Variants in ST8SIA5 observed in about 807,000 individuals in gnomAD.
ST8SIA5 encodes ST8 alpha-N-acetyl-neuraminide alpha-2,8-sialyltransferase 5, also known as alpha-2,8-sialyltransferase 8E.
In ST8SIA5, 24 loss-of-function variants were observed where a neutral mutation model predicts 40.2. The observed-to-expected ratio is 0.60, with a 90% CI of 0.43 to 0.84. The LOEUF (loss-of-function observed/expected upper bound fraction) is 0.84, where lower values mean the gene tolerates loss of function less well. Ranked by LOEUF, ST8SIA5 falls within the 40% of genes least tolerant of loss-of-function variation. ST8SIA5 has a pLI of 0.00. For missense variants in ST8SIA5, 465 were observed against 498.5 expected (o/e 0.93, Z 0.64); for synonymous variants, 198 against 201.8 (o/e 0.98, Z 0.16).
intron 1 of ST8SIA5, among the ~76,000 whole-genome samples, chr18:46,711,574 A>G (rs1397911089): frequency 6.6e-6 from 1 of 152,176 alleles, no homozygotes; most frequent in Non-Finnish European, 1.5e-5. Context: ...ACAGCCCTTC[A>G]GTGAGCTCAG....
intron 1 of ST8SIA5, among the ~76,000 whole-genome samples, chr18:46,733,325 A>T (rs1053652513): frequency 6.6e-6 from 1 of 152,234 alleles, no homozygotes; most frequent in Non-Finnish European, 1.5e-5. Context: ...AATCACTTGC[A>T]TTGGACCTCA....
In ST8SIA5 at chr18:46,675,975, T is replaced by A. The variant is rs2039336850; in HGVS notation, c.*4067A>T. On this transcript the variant is annotated 3_prime_UTR_variant, in exon 7 of 7. Coordinates refer to ENST00000315087, the MANE Select transcript of ST8SIA5 (RefSeq NM_013305.6). ...GGGAAGCTGAGGTGGGAGGATCACT[T>A]GAACCCAGGTGTCGAGGCTGCAGTG... is the stretch of plus-strand genomic sequence containing the variant. The A allele has an allele frequency of 1.3e-5, 2 of 152,160 alleles. No homozygotes were observed. The highest frequency in any genetic ancestry group is 4.1e-4 in the South Asian group (2 of 4,830). The allele number at this position is 152,160 out of a possible 1,614,324, so 9.4% of individuals were successfully genotyped here. A position where few individuals can be genotyped will look rare whatever the true frequency, so the allele number is the denominator to read the frequency against.
At chr18:46,752,318 C>G (rs1423765784) in intron 1 of ST8SIA5, among the ~76,000 whole-genome samples, 1 of 152,090 alleles carries the variant, frequency 6.6e-6, no homozygotes. Context: ...CAATAGCCAC[C>G]GGCTCCCTGG....
At chr18:46,686,411 T>G in intron 4 of ST8SIA5, 125 bp from the exon 5 acceptor site, 1 of 746,580 alleles carries the variant, frequency 1.3e-6, no homozygotes, top group South Asian at 1.6e-5. Context: ...TTGTGGGGAA[T>G]GTGGGAGGAA....
intron 5 of ST8SIA5, chr18:46,685,753 G>A (rs1017966320): frequency 5.5e-6 from 1 of 182,654 alleles, no homozygotes; most frequent in African/African-American, 2.3e-5. Flanking sequence ...AGGAAGAAGT[G>A]CAAGGACCAG....
rs1336502296 is a variant in ST8SIA5, at chr18:46,678,110, T to C, written c.*1932A>G. On this transcript the variant is annotated 3_prime_UTR_variant, in exon 7 of 7. Transcript: ENST00000315087. The stretch of plus-strand genomic sequence containing the variant: ...GCTCAAGCAAGTAATAACCATCCAC[T>C]GTCCTTTGCAGTTCTTCCTGGTTTA... The C allele has an allele frequency of 6.6e-6, 1 of 152,268 alleles. No homozygotes were observed. Among genetic ancestry groups the C allele is most frequent in the Non-Finnish European group, 1.5e-5 (1 of 68,060 alleles). 9.4% of individuals were successfully genotyped at this position (152,268 alleles called of 1,614,324 possible).
At chr18:46,727,223 A>C (rs1389671631) in intron 1 of ST8SIA5, among the ~76,000 whole-genome samples, 2 of 152,242 alleles carry the variant, frequency 1.3e-5, no homozygotes, top group African/African-American at 4.8e-5. Context: ...TGTTAAAATA[A>C]AAATAGCTCT....
At chr18:46,736,965 G>T (rs1219302291) in intron 1 of ST8SIA5, among the ~76,000 whole-genome samples, 4 of 152,120 alleles carry the variant, frequency 2.6e-5, no homozygotes, top group Non-Finnish European at 5.9e-5. Flanking sequence ...GCAAAGCCCA[G>T]CCTGAGCTGT....
chr18:46,703,291 G>A (rs1294302864), intron 2 of ST8SIA5, among the ~76,000 whole-genome samples: 7 of 152,158 alleles, frequency 4.6e-5, no homozygotes, highest in African/African-American at 9.6e-5. Flanking sequence ...GACTACAGGC[G>A]CCTGCCACCA....
chr18:46,688,725 C>T (rs377326257), intron 4 of ST8SIA5, 50 bp downstream of exon 4: 100 of 1,573,416 alleles, frequency 6.4e-5, no homozygotes, highest in Non-Finnish European at 8.5e-5. Flanking sequence ...AGGGCTACTG[C>T]TGGATTGGCT....
intron 1 of ST8SIA5, among the ~76,000 whole-genome samples, chr18:46,712,591 C>T (rs1382982344): frequency 1.3e-5 from 2 of 152,310 alleles, no homozygotes; most frequent in East Asian, 3.9e-4. Context: ...CAGACCAGCT[C>T]TTATTATGTG....
chr18:46,688,955 G>T, intron 3 of ST8SIA5, 36 bp from the exon 4 acceptor site: 1 of 1,593,132 alleles, frequency 6.3e-7, no homozygotes, highest in South Asian at 1.1e-5. Context: ...AAGACGTGAT[G>T]CAGGAAAGAT....
At position 46,682,781 on chromosome 18, in the gene ST8SIA5, A is replaced by G. The variant is rs139090522; in HGVS notation, c.570-717T>C. Among the ~76,000 whole-genome samples, 742 of 152,314 alleles carry G rather than the reference A, an allele frequency of 4.9e-3. 9 individuals are homozygous for G. The highest frequency in any genetic ancestry group is 0.016 in the African/African-American group (678 of 41,568). On this transcript the variant is annotated intron_variant, in intron 5 of 6. Transcript: ENST00000315087. ...AAGAGACGATGTGACAACCAGGGAG[A>G]GAGAAGAAAGTATGTGGCAACAGAA...
In ST8SIA5 at chr18:46,679,464, G is replaced by A. The variant is rs2039364434; in HGVS notation, c.*578C>T. Reference sequence around the variant, plus strand: ...GGTGTGGCTTGGCTGTTAAGTCCCTGGACCTCTTGAGATCACTTTCTTCAC... The same window carrying A: ...GGTGTGGCTTGGCTGTTAAGTCCCTAGACCTCTTGAGATCACTTTCTTCAC... On this transcript the variant is annotated 3_prime_UTR_variant, in exon 7 of 7. Transcript: ENST00000315087. The A allele has an allele frequency of 6.4e-6, 1 of 155,824 alleles. No homozygotes were observed. Among genetic ancestry groups the A allele is most frequent in the Non-Finnish European group, 1.4e-5 (1 of 70,486 alleles). The allele number at this position is 155,824 out of a possible 1,614,324, so 9.7% of individuals were successfully genotyped here.
At chr18:46,685,275 C>T (rs2039434831) in intron 5 of ST8SIA5, among the ~76,000 whole-genome samples, 1 of 152,134 alleles carries the variant, frequency 6.6e-6, no homozygotes, top group African/African-American at 2.4e-5. Flanking sequence ...CCTTTCCTGG[C>T]AGGAATGTGG....
intron 1 of ST8SIA5, among the ~76,000 whole-genome samples, chr18:46,756,070 G>A (rs1429013477): frequency 1.3e-5 from 2 of 152,222 alleles, no homozygotes; most frequent in Non-Finnish European, 2.9e-5. Context: ...ACACCGCTCC[G>A]ATCCATGCGG....
chr18:46,735,606 T>C (rs139852674), intron 1 of ST8SIA5, among the ~76,000 whole-genome samples: 6 of 152,302 alleles, frequency 3.9e-5, no homozygotes, highest in Non-Finnish European at 5.9e-5. Flanking sequence ...TATTGTACTA[T>C]ATTGTTTGGG....
At chr18:46,705,772 C>A (rs1027087159) in intron 1 of ST8SIA5, among the ~76,000 whole-genome samples, 1 of 152,214 alleles carries the variant, frequency 6.6e-6, no homozygotes, top group Non-Finnish European at 1.5e-5. Context: ...GCCTGCAGGG[C>A]CAAACCACTA....
intron 1 of ST8SIA5, among the ~76,000 whole-genome samples, chr18:46,710,413 T>TTCTTTGTTTCTTTCTG (rs1244310202): frequency 7.8e-6 from 1 of 127,506 alleles, no homozygotes; most frequent in African/African-American, 3.1e-5. Flanking sequence ...CTTTCTTTCT[T>TTCTTTGTTTCTTTCTG]TCTTTTTCTT....
Sources: gnomAD v4.1 joint callset for allele counts (sites outside exome capture counted in the v4.1 genomes callset) on GRCh38, gnomAD v4.1.1 for gene constraint, MANE v1.5 for transcripts, NCBI Gene and HGNC (gene_info 2026-07-23, HGNC 2026-07-21) for gene names.